The following KCNAB1 variants were observed in gnomAD, a reference collection of about 807,000 sequenced individuals.
KCNAB1 encodes voltage-gated potassium channel subunit beta-1.
Under a neutral mutation model 64.6 loss-of-function variants are expected in KCNAB1, and 35 were observed. The observed-to-expected ratio is 0.54, with a 90% CI of 0.41 to 0.72. KCNAB1 has a LOEUF of 0.72. KCNAB1 is among the 30% of genes least tolerant of loss of function. KCNAB1 has a pLI of 0.00. For synonymous variants in KCNAB1, 177 were observed against 183.8 expected (o/e 0.96, Z 0.30); for missense variants, 401 against 512.9 (o/e 0.78, Z 2.11).
At chr3:156,141,252 T>C (rs1434189273) in intron 1 of KCNAB1, among the ~76,000 whole-genome samples, 2 of 152,190 alleles carry the variant, frequency 1.3e-5, no homozygotes, top group Non-Finnish European at 2.9e-5. Flanking sequence ...ATTTTTCCAA[T>C]ATTATATGCA....
In KCNAB1 at chr3:156,342,867, C is replaced by T. The variant is rs190841599; in HGVS notation, c.276-78749C>T. On this transcript the variant is annotated intron_variant, in intron 1 of 13. Coordinates refer to ENST00000490337, the MANE Select transcript of KCNAB1 (RefSeq NM_172160.3). ...GGGGCTTTTCAAGATGTTCTCACCC[C>T]GCTGAGGTGCACAAGAATTCTTCCT... Among the ~76,000 whole-genome samples, 48 of 152,048 alleles carry T rather than the reference C, an allele frequency of 3.2e-4. No individual in the cohort carries two copies. The East Asian group carries it at 6.2e-3, about 20-fold the overall frequency.
chr3:156,538,827 A>G (rs1332341196), downstream of KCNAB1: 1 of 152,246 alleles, frequency 6.6e-6, no homozygotes, highest in Non-Finnish European at 1.5e-5. Flanking sequence ...CAATCAATCA[A>G]TGGAGATTAA....
In KCNAB1 at chr3:156,156,514, G is replaced by C. The variant is rs181235935; in HGVS notation, c.275+35628G>C. Among the ~76,000 whole-genome samples the C allele has an allele frequency of 7.6e-3, 1,156 of 152,356 alleles. 15 individuals carry two copies. Among genetic ancestry groups the C allele is most frequent in the African/African-American group, 0.026 (1,095 of 41,594 alleles). On this transcript the variant is annotated intron_variant, in intron 1 of 13. Coordinates refer to ENST00000490337, the MANE Select transcript of KCNAB1 (RefSeq NM_172160.3). The stretch of plus-strand genomic sequence containing the variant: ...AGCAGCTTAAACCAGAATGGAAATG[G>C]TGAGAAGTAGTTGGATTCTGGAACT...
chr3:156,519,654 G>A (rs1717805752), intron 11 of KCNAB1, among the ~76,000 whole-genome samples: 1 of 152,198 alleles, frequency 6.6e-6, no homozygotes, highest in African/African-American at 2.4e-5. Flanking sequence ...GAAGTACGGA[G>A]TGGCCTCAGC....
At chr3:156,242,635 C>G (rs1411118894) in intron 1 of KCNAB1, among the ~76,000 whole-genome samples, 1 of 151,920 alleles carries the variant, frequency 6.6e-6, no homozygotes, top group Non-Finnish European at 1.5e-5. Context: ...CTAAAACCTT[C>G]TTTTGGTTTT....
intron 3 of KCNAB1, among the ~76,000 whole-genome samples, chr3:156,455,088 A>G (rs1712301757): frequency 6.6e-6 from 1 of 152,226 alleles, no homozygotes; most frequent in South Asian, 2.1e-4. Context: ...GAATACCAGC[A>G]AAGAGAAGAA....
chr3:156,426,603 C>T (rs986623429), intron 2 of KCNAB1, among the ~76,000 whole-genome samples: 2 of 152,154 alleles, frequency 1.3e-5, no homozygotes, highest in Non-Finnish European at 1.5e-5. Context: ...AGTTTCACTG[C>T]TCTAAAAAAT....
chr3:156,121,176 A>T (rs1413336823), intron 1 of KCNAB1, among the ~76,000 whole-genome samples: 1 of 152,226 alleles, frequency 6.6e-6, no homozygotes, highest in Admixed American at 6.5e-5. Flanking sequence ...AAATCAGAGG[A>T]GTTAAGAGAT....
intron 1 of KCNAB1, among the ~76,000 whole-genome samples, chr3:156,416,403 C>CT (rs1285208420): frequency 6.6e-6 from 1 of 152,232 alleles, no homozygotes; most frequent in Admixed American, 6.5e-5. Context: ...CTTCCAGTCT[C>CT]TGAGCCTTTG....
intron 1 of KCNAB1, among the ~76,000 whole-genome samples, chr3:156,144,930 T>G (rs1714951769): frequency 6.6e-6 from 1 of 152,170 alleles, no homozygotes; most frequent in African/African-American, 2.4e-5. Context: ...TTTCAAAGGA[T>G]TATGAAGTAG....
chr3:156,493,854 A>G (rs1203867394), intron 8 of KCNAB1, among the ~76,000 whole-genome samples: 4 of 152,234 alleles, frequency 2.6e-5, no homozygotes, highest in Admixed American at 6.5e-5. Context: ...CCACAGATAT[A>G]ATGTTGTATC....
intron 1 of KCNAB1, among the ~76,000 whole-genome samples, chr3:156,220,914 C>T (rs1715683898): frequency 6.6e-6 from 1 of 152,158 alleles, no homozygotes; most frequent in African/African-American, 2.4e-5. Context: ...GGAAGGGATC[C>T]AGTTTCAGCT....
At chr3:156,329,513 G>A (rs369422417) in intron 1 of KCNAB1, among the ~76,000 whole-genome samples, 2 of 152,262 alleles carry the variant, frequency 1.3e-5, no homozygotes, top group African/African-American at 4.8e-5. Flanking sequence ...GGCATGAGAT[G>A]GGAATAGGTT....
Position 156,157,764 on chromosome 3 carries a change from A to G in KCNAB1, c.275+36878A>G, listed in dbSNP as rs1200433336. On this transcript the variant is annotated intron_variant, in intron 1 of 13. Coordinates refer to ENST00000490337, the MANE Select transcript of KCNAB1 (RefSeq NM_172160.3). ...CAACCAAAATGGATACCATTAAATTATAAAAGTCACAACAAAAAGAACAGG... is the reference window on the plus strand; with the variant it reads ...CAACCAAAATGGATACCATTAAATTGTAAAAGTCACAACAAAAAGAACAGG... Among the ~76,000 whole-genome samples the G allele has an allele frequency of 3.3e-5, 5 of 152,352 alleles. No individual in the cohort carries two copies. In the East Asian group the frequency reaches 9.6e-4, roughly 29 times the overall value.
chr3:156,285,630 G>A (rs1214022859), intron 1 of KCNAB1, among the ~76,000 whole-genome samples: 1 of 152,074 alleles, frequency 6.6e-6, no homozygotes, highest in East Asian at 1.9e-4. Flanking sequence ...CCTCCTGGGT[G>A]CCTGGGACCA....
chr3:156,455,393 GGGATATTATCAAAA>G (rs1405112632), intron 3 of KCNAB1, among the ~76,000 whole-genome samples: 1 of 152,180 alleles, frequency 6.6e-6, no homozygotes, highest in Non-Finnish European at 1.5e-5. Context: ...CCATTTGGCA[GGGATATTATCAAAA>G]GGATACAAAC....
chr3:156,189,899 C>A (rs760605333), intron 1 of KCNAB1, among the ~76,000 whole-genome samples: 3 of 152,138 alleles, frequency 2.0e-5, no homozygotes, highest in Non-Finnish European at 4.4e-5. Context: ...AATCGCCAAT[C>A]AAATATCTTC....
chr3:156,388,225 G>A (rs764157512), intron 1 of KCNAB1, among the ~76,000 whole-genome samples: 2 of 152,200 alleles, frequency 1.3e-5, no homozygotes, highest in Non-Finnish European at 2.9e-5. Context: ...GTAGAACCTT[G>A]TATCTGGAGC....
intron 1 of KCNAB1, among the ~76,000 whole-genome samples, chr3:156,247,278 T>C (rs1007876201): frequency 1.3e-5 from 2 of 152,204 alleles, no homozygotes; most frequent in African/African-American, 4.8e-5. Context: ...CAAAGCCTTA[T>C]GAAGACTAGG....
Sources: gnomAD v4.1 joint callset for allele counts (sites outside exome capture counted in the v4.1 genomes callset) on GRCh38, gnomAD v4.1.1 for gene constraint, MANE v1.5 for transcripts, NCBI Gene and HGNC (gene_info 2026-07-23, HGNC 2026-07-21) for gene names.